CNTN4: variants seen among roughly 807,000 people sequenced by gnomAD.
The protein encoded by CNTN4 is contactin 4.
A neutral mutation model predicts 122.5 loss-of-function variants in CNTN4; 77 were observed. The observed-to-expected ratio is 0.63, with a 90% CI of 0.52 to 0.76. The LOEUF is 0.76. Among genes scored for constraint, CNTN4 ranks in the 30% least tolerant of loss-of-function variants. The pLI is 0.00. For missense variants in CNTN4, 1,256 were observed against 1,259.1 expected (o/e 1.00, Z 0.04); for synonymous variants, 512 against 447.0 (o/e 1.15, Z -1.83).
intron 2 of CNTN4, among the ~76,000 whole-genome samples, chr3:2,192,552 A>G (rs1282392691): frequency 4.6e-5 from 7 of 152,224 alleles, no homozygotes; most frequent in African/African-American, 1.7e-4. Flanking sequence ...CAAAGGGCTA[A>G]TATTCAGAAT....
intron 4 of CNTN4, among the ~76,000 whole-genome samples, chr3:2,731,521 G>A (rs1485201437): frequency 6.6e-6 from 1 of 152,170 alleles, no homozygotes; most frequent in African/African-American, 2.4e-5. Context: ...TCAATGGTCT[G>A]GAATCCACAA....
At chr3:2,432,682 G>GTA (rs749982724) in intron 3 of CNTN4, among the ~76,000 whole-genome samples, 29 of 151,760 alleles carry the variant, frequency 1.9e-4, no homozygotes, top group Admixed American at 4.6e-4. Flanking sequence ...GTGTGTGTAT[G>GTA]TATATATATA....
chr3:2,687,536 G>A (rs775627725), intron 4 of CNTN4, among the ~76,000 whole-genome samples: 3 of 152,194 alleles, frequency 2.0e-5, no homozygotes, highest in African/African-American at 2.4e-5. Context: ...GGTGGCATGC[G>A]CCTGTAGTCC....
chr3:2,864,444 A>G (rs552081131), intron 7 of CNTN4, among the ~76,000 whole-genome samples: 1 of 152,090 alleles, frequency 6.6e-6, no homozygotes, highest in African/African-American at 2.4e-5. Context: ...CAGGGAAAAA[A>G]AAATCATTTC....
intron 6 of CNTN4, among the ~76,000 whole-genome samples, chr3:2,750,425 A>G (rs1015202390): frequency 3.9e-5 from 6 of 152,214 alleles, no homozygotes; most frequent in African/African-American, 1.4e-4. Context: ...TTTTAAGTTG[A>G]ATTAATTCAC....
At chr3:2,671,956 G>A (rs1052608522) in intron 4 of CNTN4, among the ~76,000 whole-genome samples, 56 of 152,312 alleles carry the variant, frequency 3.7e-4, no homozygotes, top group African/African-American at 1.3e-3. Flanking sequence ...AAATGTTGCT[G>A]CCTGATCCTT....
At chr3:2,348,606 T>A (rs528363990) in intron 3 of CNTN4, among the ~76,000 whole-genome samples, 32 of 152,316 alleles carry the variant, frequency 2.1e-4, no homozygotes, top group Admixed American at 5.2e-4. Context: ...TAGATTTTTT[T>A]AAATTGTTTT....
chr3:2,428,191 T>G (rs905744747), intron 3 of CNTN4, among the ~76,000 whole-genome samples: 1 of 152,194 alleles, frequency 6.6e-6, no homozygotes, highest in African/African-American at 2.4e-5. Context: ...ATTTGGCATG[T>G]TTTTGCAGTG....
rs139612807 is a variant in CNTN4, at chr3:2,336,262, T to C, written c.-144-2916T>C. Among the ~76,000 whole-genome samples the C allele has an allele frequency of 3.2e-3, 484 of 152,218 alleles. 1 individual carries two copies. The highest frequency in any genetic ancestry group is 0.011 in the African/African-American group (470 of 41,532). On this transcript the variant is annotated intron_variant, in intron 2 of 24. Transcript: ENST00000418658. The stretch of plus-strand genomic sequence containing the variant: ...GGCAGAGTAGAGTAGTAATTTTATT[T>C]TGACAGCAAATCCCAGGAGGTCAGG...
intron 7 of CNTN4, among the ~76,000 whole-genome samples, chr3:2,820,440 A>C (rs1332194397): frequency 6.6e-6 from 1 of 152,196 alleles, no homozygotes; most frequent in Non-Finnish European, 1.5e-5. Flanking sequence ...ATTAACCCTG[A>C]AGCTCTCCAA....
intron 7 of CNTN4, among the ~76,000 whole-genome samples, chr3:2,850,260 T>C (rs186782591): frequency 6.0e-4 from 91 of 152,288 alleles, no homozygotes; most frequent in African/African-American, 2.1e-3. Context: ...AGTGCAGGGA[T>C]TACAGGCGTG....
intron 2 of CNTN4, among the ~76,000 whole-genome samples, chr3:2,122,061 A>G (rs1224934586): frequency 2.0e-5 from 3 of 151,772 alleles, no homozygotes; most frequent in Admixed American, 6.6e-5. Flanking sequence ...AGGCTGAGGC[A>G]GGAGAATGGC....
At chr3:2,536,575 A>G in intron 3 of CNTN4, among the ~76,000 whole-genome samples, 1 of 150,876 alleles carries the variant, frequency 6.6e-6, no homozygotes, top group Non-Finnish European at 1.5e-5. Context: ...TGAAGAAAAT[A>G]TTTTTTAAAT....
intron 2 of CNTN4, among the ~76,000 whole-genome samples, chr3:2,270,503 T>G (rs564669548): frequency 6.6e-6 from 1 of 152,176 alleles, no homozygotes; most frequent in South Asian, 2.1e-4. Context: ...CACTTGGCTT[T>G]AAGTGTGGGA....
At chr3:2,271,216 G>T (rs2041281274) in intron 2 of CNTN4, among the ~76,000 whole-genome samples, 1 of 151,938 alleles carries the variant, frequency 6.6e-6, no homozygotes, top group African/African-American at 2.4e-5. Flanking sequence ...ATGAACAGCA[G>T]ATCATTTTGA....
At chr3:2,918,808 T>C (rs868700832) in intron 12 of CNTN4, among the ~76,000 whole-genome samples, 3 of 152,306 alleles carry the variant, frequency 2.0e-5, no homozygotes, top group Middle Eastern at 3.4e-3. Flanking sequence ...GAGGATGTCA[T>C]GTCCTGTACA....
At position 2,191,734 on chromosome 3, in the gene CNTN4, A is replaced by G. The variant is rs114216967; in HGVS notation, c.-145+91095A>G. On this transcript the variant is annotated intron_variant, in intron 2 of 24. Coordinates refer to ENST00000418658, the MANE Select transcript of CNTN4 (RefSeq NM_175607.3). ...TACACACACACACACATACACACAC[A>G]TATATATTTATTATACTTTAAGTTC... Among the ~76,000 whole-genome samples the G allele has an allele frequency of 6.0e-3, 918 of 152,138 alleles. 4 individuals carry two copies. The highest frequency in any genetic ancestry group is 8.2e-3 in the Non-Finnish European group (557 of 68,004).
intron 3 of CNTN4, among the ~76,000 whole-genome samples, chr3:2,465,041 A>T (rs1267283028): frequency 6.6e-6 from 1 of 152,202 alleles, no homozygotes; most frequent in Non-Finnish European, 1.5e-5. Context: ...CTGAAGATGG[A>T]TGGTGGTGAT....
chr3:2,559,043 C>T (rs1346197754), intron 3 of CNTN4, among the ~76,000 whole-genome samples: 1 of 152,174 alleles, frequency 6.6e-6, no homozygotes, highest in Non-Finnish European at 1.5e-5. Flanking sequence ...CCTGATTAAA[C>T]AAAGAACATA....
Sources: allele counts gnomAD v4.1 joint callset (sites outside exome capture counted in the v4.1 genomes callset), GRCh38; gene constraint gnomAD v4.1.1; transcripts MANE v1.5; gene names NCBI Gene and HGNC (gene_info 2026-07-23, HGNC 2026-07-21).